UNC13C: variants seen among roughly 807,000 people sequenced by gnomAD.
UNC13C encodes the protein unc-13 homolog C, also known as protein unc-13 homolog C.
In UNC13C, 174 loss-of-function variants were observed where a neutral mutation model predicts 245.4. The ratio of observed to expected loss-of-function variants is 0.71; its 90% confidence interval spans 0.63 to 0.80. The LOEUF is 0.80. UNC13C is among the 30% of genes least tolerant of loss of function. UNC13C has a pLI of 0.00. For synonymous variants in UNC13C, 992 were observed against 895.1 expected, an observed-to-expected ratio of 1.11 and a Z score of -1.93; for missense variants, 2,829 against 2,602.9, an observed-to-expected ratio of 1.09 and a Z score of -1.89.
intron 4 of UNC13C, among the ~76,000 whole-genome samples, chr15:54,188,512 G>C (rs938756891): frequency 3.9e-5 from 6 of 152,000 alleles, no homozygotes; most frequent in Non-Finnish European, 7.4e-5. Flanking sequence ...ATTCATTAGC[G>C]AAGTGGGACG....
At chr15:53,854,122 G>GTTTTTTTGTTTTTTTTT in the UNC13C span, among the ~76,000 whole-genome samples, 3 of 133,572 alleles carry the variant, frequency 2.2e-5, no homozygotes, top group African/African-American at 2.8e-5. Flanking sequence ...GTTTTTATAG[G>GTTTTTTTGTTTTTTTTT]TTTTTTTTTT....
At chr15:54,176,957 G>C (rs888172704) in intron 4 of UNC13C, among the ~76,000 whole-genome samples, 1 of 152,038 alleles carries the variant, frequency 6.6e-6, no homozygotes, top group African/African-American at 2.4e-5. Flanking sequence ...AACACCAGTA[G>C]CATTGAGATT....
chr15:53,977,261 T>C (rs1893739961), upstream of UNC13C, among the ~76,000 whole-genome samples: 1 of 152,210 alleles, frequency 6.6e-6, no homozygotes, highest in Non-Finnish European at 1.5e-5. Context: ...TTGGGGACAC[T>C]TTTTTAAACA....
chr15:54,451,159 T>A (rs1891153823), intron 19 of UNC13C, among the ~76,000 whole-genome samples: 1 of 152,158 alleles, frequency 6.6e-6, no homozygotes, highest in Non-Finnish European at 1.5e-5. Context: ...ATATATTTAG[T>A]CATTTTATGC....
chr15:54,479,315 TTGA>T (rs1222678856), intron 19 of UNC13C, among the ~76,000 whole-genome samples: 3 of 152,182 alleles, frequency 2.0e-5, no homozygotes, highest in Non-Finnish European at 4.4e-5. Context: ...AATTGATCCC[TTGA>T]TTATTATATA....
intron 10 of UNC13C, among the ~76,000 whole-genome samples, chr15:54,278,934 TTG>T (rs2036905717): frequency 6.6e-6 from 1 of 152,208 alleles, no homozygotes; most frequent in African/African-American, 2.4e-5. Context: ...ATGCTTATGT[TTG>T]ATCAAATTGG....
Position 54,393,643 on chromosome 15 carries a change from G to T in UNC13C, c.4847+462G>T, listed in dbSNP as rs75327244. 4.3e-3 allele frequency among the ~76,000 whole-genome samples: 647 copies of T among 151,916 alleles called. 28 individuals carry two copies. In the East Asian group the frequency reaches 0.09, roughly 21 times the overall value. ...TTTAATAACATATTTAATAAAACAA[G>T]TTGATTTTCACAAAGTATAATCTAA... On this transcript the variant is annotated intron_variant, in intron 18 of 32. Transcript: ENST00000260323.
chr15:54,099,595 C>G (rs1326963808), intron 2 of UNC13C, among the ~76,000 whole-genome samples: 1 of 152,128 alleles, frequency 6.6e-6, no homozygotes. Context: ...TGGAAGCATT[C>G]AGAGGAGAAG....
At chr15:54,170,582 A>G (rs955387882) in intron 4 of UNC13C, among the ~76,000 whole-genome samples, 6 of 151,992 alleles carry the variant, frequency 3.9e-5, no homozygotes, top group Non-Finnish European at 7.4e-5. Flanking sequence ...TCCTTAAAAT[A>G]TCTTATTTTT....
intron 2 of UNC13C, among the ~76,000 whole-genome samples, chr15:54,060,552 C>A (rs1423280294): frequency 1.3e-5 from 2 of 152,188 alleles, no homozygotes; most frequent in Non-Finnish European, 2.9e-5. Context: ...TTGTGGAAGT[C>A]GGTGTGGTGA....
intron 4 of UNC13C, among the ~76,000 whole-genome samples, chr15:54,203,029 G>A (rs1415116993): frequency 6.6e-6 from 1 of 151,572 alleles, no homozygotes; most frequent in Non-Finnish European, 1.5e-5. Flanking sequence ...CTCAAAGGAA[G>A]ATATAAAAAT....
At chr15:54,231,362 CAT>C (rs1158021106) in intron 4 of UNC13C, among the ~76,000 whole-genome samples, 2 of 151,948 alleles carry the variant, frequency 1.3e-5, no homozygotes, top group Non-Finnish European at 2.9e-5. Context: ...GACCTCAGTT[CAT>C]ATGAGTTTTA....
intron 11 of UNC13C, among the ~76,000 whole-genome samples, chr15:54,296,690 A>G (rs2037445484): frequency 6.6e-6 from 1 of 152,172 alleles, no homozygotes; most frequent in South Asian, 2.1e-4. Flanking sequence ...TTCATGGTTT[A>G]ACTGTACCTT....
chr15:54,558,126 T>C (rs1897163366), intron 29 of UNC13C, among the ~76,000 whole-genome samples: 2 of 152,006 alleles, frequency 1.3e-5, no homozygotes, highest in Admixed American at 6.6e-5. Context: ...GTGGGAGGGA[T>C]AGCATTGGGA....
intron 13 of UNC13C, among the ~76,000 whole-genome samples, chr15:54,318,977 A>G (rs1382785874): frequency 6.6e-6 from 1 of 151,864 alleles, no homozygotes; most frequent in Non-Finnish European, 1.5e-5. Context: ...CAAAAATCTC[A>G]AGGTGGCAGC....
At chr15:53,909,214 G>T in the UNC13C span, among the ~76,000 whole-genome samples, 1 of 146,454 alleles carries the variant, frequency 6.8e-6, no homozygotes, top group African/African-American at 2.4e-5. Context: ...CAACATATAT[G>T]AGTTATTTAT....
intron 30 of UNC13C, among the ~76,000 whole-genome samples, chr15:54,589,286 CTTCTTTTTTTTTTT>C (rs1898649816): frequency 1.3e-5 from 1 of 77,922 alleles, no homozygotes; most frequent in African/African-American, 4.4e-5. Flanking sequence ...TCTTCTTCTT[CTTCTTTTTTTTTTT>C]TTTTTTTTTT....
chr15:54,051,144 C>A (rs1214255994), intron 2 of UNC13C, among the ~76,000 whole-genome samples: 1 of 152,108 alleles, frequency 6.6e-6, no homozygotes, highest in African/African-American at 2.4e-5. Context: ...ATTTATCAAT[C>A]TTTTATTGCA....
intron 4 of UNC13C, among the ~76,000 whole-genome samples, chr15:54,211,186 A>G (rs1359978701): frequency 6.6e-6 from 1 of 152,162 alleles, no homozygotes; most frequent in Non-Finnish European, 1.5e-5. Flanking sequence ...GCAGCTATTT[A>G]TGTGAACTTC....
Sources: allele counts gnomAD v4.1 joint callset (sites outside exome capture counted in the v4.1 genomes callset), GRCh38; gene constraint gnomAD v4.1.1; transcripts MANE v1.5; gene names NCBI Gene and HGNC (gene_info 2026-07-23, HGNC 2026-07-21).